LDB2: variants seen among roughly 807,000 people sequenced by gnomAD.
LDB2 encodes LIM domain-binding protein 2.
Under a neutral mutation model 44.3 loss-of-function variants are expected in LDB2, and 12 were observed. That is an observed-to-expected ratio of 0.27 (90% CI 0.17 to 0.44). The LOEUF (loss-of-function observed/expected upper bound fraction) is 0.44, where lower values mean the gene tolerates loss of function less well. Ranked by LOEUF, LDB2 falls within the 20% of genes least tolerant of loss-of-function variation. The pLI, the probability that LDB2 is intolerant of heterozygous loss-of-function variation, is 1.00. For missense variants in LDB2, 344 were observed against 473.5 expected (o/e 0.73, Z 2.54); for synonymous variants, 164 against 174.8 (o/e 0.94, Z 0.49).
At chr4:16,588,884 A>G (rs1389829783) in intron 3 of LDB2, 52 bp from the exon 4 acceptor site, 5 of 1,602,800 alleles carry the variant, frequency 3.1e-6, no homozygotes, top group Non-Finnish European at 4.3e-6. Flanking sequence ...TGAAAGCCAC[A>G]TTTTGTAACT....
At chr4:16,649,352 C>G (rs756899351) in intron 2 of LDB2, among the ~76,000 whole-genome samples, 1 of 152,124 alleles carries the variant, frequency 6.6e-6, no homozygotes. Context: ...ATATTGTAAA[C>G]ATTTCACTTT....
At chr4:16,781,302 CT>C (rs1382974763) in intron 1 of LDB2, among the ~76,000 whole-genome samples, 6 of 152,212 alleles carry the variant, frequency 3.9e-5, no homozygotes, top group African/African-American at 9.6e-5. Context: ...GTTTCTTTAG[CT>C]GCTCTGTTGT....
chr4:16,871,203 C>T (rs1716477933), intron 1 of LDB2, among the ~76,000 whole-genome samples: 2 of 152,178 alleles, frequency 1.3e-5, no homozygotes, highest in Non-Finnish European at 2.9e-5. Context: ...ATGTCTGTTG[C>T]ATGATGGAAA....
intron 2 of LDB2, among the ~76,000 whole-genome samples, chr4:16,691,567 C>T (rs902588814): frequency 6.6e-6 from 1 of 152,184 alleles, no homozygotes; most frequent in African/African-American, 2.4e-5. Context: ...GATGGAAGAG[C>T]AAACACCATT....
chr4:16,719,038 A>G (rs1318292312), intron 2 of LDB2, among the ~76,000 whole-genome samples: 2 of 152,056 alleles, frequency 1.3e-5, no homozygotes, highest in African/African-American at 4.8e-5. Flanking sequence ...GGCATATAAG[A>G]AGAAACAACC....
intron 2 of LDB2, among the ~76,000 whole-genome samples, chr4:16,673,137 T>C (rs1464247349): frequency 3.9e-5 from 6 of 152,186 alleles, no homozygotes; most frequent in African/African-American, 1.4e-4. Flanking sequence ...GTAATTATTG[T>C]GCTTTTTCTT....
At chr4:16,640,675 A>G (rs978074234) in intron 2 of LDB2, among the ~76,000 whole-genome samples, 10 of 152,212 alleles carry the variant, frequency 6.6e-5, no homozygotes, top group Middle Eastern at 3.2e-3. Context: ...CAATCTCTGT[A>G]TAAGGAAACT....
At chr4:16,524,385 G>C (rs1727435207) in intron 5 of LDB2, among the ~76,000 whole-genome samples, 2 of 152,160 alleles carry the variant, frequency 1.3e-5, no homozygotes, top group Non-Finnish European at 2.9e-5. Flanking sequence ...TATTTAAGTT[G>C]AGACATACAA....
intron 1 of LDB2, among the ~76,000 whole-genome samples, chr4:16,857,076 T>A (rs556374341): frequency 3.9e-4 from 59 of 152,278 alleles, no homozygotes; most frequent in African/African-American, 1.3e-3. Context: ...TGCAAGCCCA[T>A]CATGACCCCG....
chr4:16,751,529 A>G (rs1011568034), intron 2 of LDB2, among the ~76,000 whole-genome samples: 3 of 152,184 alleles, frequency 2.0e-5, no homozygotes, highest in Non-Finnish European at 4.4e-5. Context: ...TCTTTCAGAA[A>G]TCTGTCAGTT....
intron 2 of LDB2, among the ~76,000 whole-genome samples, chr4:16,725,886 T>A (rs1415316447): frequency 9.8e-6 from 1 of 101,864 alleles, no homozygotes; most frequent in African/African-American, 4.0e-5. Context: ...TATATTTATG[T>A]GTATATATAT....
chr4:16,650,256 G>A (rs369652653), intron 2 of LDB2, among the ~76,000 whole-genome samples: 1 of 152,200 alleles, frequency 6.6e-6, no homozygotes, highest in African/African-American at 2.4e-5. Flanking sequence ...TGATGGGACT[G>A]TGTGAAGGCT....
At chr4:16,598,126 C>T (rs1056769765) in intron 2 of LDB2, among the ~76,000 whole-genome samples, 5 of 152,170 alleles carry the variant, frequency 3.3e-5, no homozygotes, top group Admixed American at 6.5e-5. Context: ...ATGGTATTCA[C>T]GCCCTTGTGT....
rs140709141 is a variant in LDB2 at position 16,898,413 on chromosome 4, T to C, written c.73A>G (p.Met25Val). The change falls in exon 1 of 8, where the codon ATG becomes GTG. Residue 25 changes from methionine to valine, a missense_variant. Transcript: ENST00000304523. ...TAGATTCGGTACTCTGGCTGTACCA[T>C]GTATGGTGTATGCCTCCTATAAAAT... ...GPFYRRHTPYMVQPEYRIYEM... is the reference protein window; with the variant it reads ...GPFYRRHTPYVVQPEYRIYEM... The C allele has an allele frequency of 8.7e-6, 14 of 1,613,518 alleles. No homozygotes were observed. The highest frequency in any genetic ancestry group is 5.3e-5 in the African/African-American group (4 of 74,876).
At chr4:16,719,744 GT>G (rs1365174187) in intron 2 of LDB2, among the ~76,000 whole-genome samples, 3 of 152,078 alleles carry the variant, frequency 2.0e-5, no homozygotes. Flanking sequence ...CCCAGAGTAA[GT>G]GTTCCTAAGT....
rs1560562749 is a variant in LDB2, at chr4:16,588,896, A to T, written c.409-64T>A. ...TTGTGAAAGCCACATTTTGTAACTCACATAGCCACTCAGCGTGGTCTCCCT... is the reference window on the plus strand; with the variant it reads ...TTGTGAAAGCCACATTTTGTAACTCTCATAGCCACTCAGCGTGGTCTCCCT... On this transcript the variant is annotated intron_variant, in intron 3 of 7. Coordinates refer to ENST00000304523, the MANE Select transcript of LDB2 (RefSeq NM_001290.5). 3.8e-6 allele frequency: 6 copies of T among 1,585,024 alleles called. No individual in the cohort carries two copies. In the East Asian group the frequency reaches 6.7e-5, roughly 18 times the overall value.
chr4:16,755,472 GGTGTGTGTGTGTGTGTGTGTGT>G (rs58186199), intron 2 of LDB2, among the ~76,000 whole-genome samples: 21 of 118,242 alleles, frequency 1.8e-4, no homozygotes, highest in South Asian at 6.2e-4. Flanking sequence ...GTAGGAATAG[GGTGTGTGTGTGTGTGTGTGTGT>G]GTGTGTGTGT....
intron 2 of LDB2, among the ~76,000 whole-genome samples, chr4:16,610,800 T>C (rs770956910): frequency 4.6e-5 from 7 of 152,160 alleles, no homozygotes; most frequent in Non-Finnish European, 8.8e-5. Context: ...TTCACAATAT[T>C]ATCCAGGAGA....
intron 1 of LDB2, among the ~76,000 whole-genome samples, chr4:16,795,061 A>G (rs181129716): frequency 4.6e-5 from 7 of 152,326 alleles, no homozygotes; most frequent in African/African-American, 1.7e-4. Context: ...AGCGGGGAAG[A>G]CATGCTTGAA....
Sources: allele counts gnomAD v4.1 joint callset (sites outside exome capture counted in the v4.1 genomes callset), GRCh38; gene constraint gnomAD v4.1.1; transcripts MANE v1.5; gene names NCBI Gene and HGNC (gene_info 2026-07-23, HGNC 2026-07-21).